DNAH17: variants seen among roughly 807,000 people sequenced by gnomAD.
DNAH17 encodes axonemal beta dynein heavy chain 17.
Under a neutral mutation model 485.6 loss-of-function variants are expected in DNAH17, and 376 were observed. The observed-to-expected ratio is 0.77, with a 90% CI of 0.71 to 0.84. The LOEUF is 0.84. DNAH17 is among the 40% of genes least tolerant of loss of function. DNAH17 has a pLI of 0.00. For missense variants in DNAH17, 6,370 were observed against 5,839.3 expected, an observed-to-expected ratio of 1.09 and a Z score of -2.96; for synonymous variants, 3,031 against 2,405.9, an observed-to-expected ratio of 1.26 and a Z score of -7.60.
chr17:78,486,082 T>C lies in DNAH17; in HGVS notation c.7153A>G (p.Thr2385Ala). Reference sequence around the variant, plus strand: ...GTTCCCTGCGAGGGGAACTTGATAGTCTTGAATTCGTTGATCCACCATTTA... The same window carrying C: ...GTTCCCTGCGAGGGGAACTTGATAGCCTTGAATTCGTTGATCCACCATTTA... ...FSKWWINEFK[T>A]IKFPSQGTIF... The change falls in exon 46 of 81, where the codon ACT becomes GCT. Residue 2385 changes from threonine to alanine, a missense_variant. Physicochemically the swap from Thr to Ala is moderately conservative, Grantham distance 58. Transcript: ENST00000389840. 3 of 1,613,886 alleles carry C rather than the reference T, an allele frequency of 1.9e-6. No individual in the cohort carries two copies. The highest frequency in any genetic ancestry group is 2.2e-5 in the East Asian group (1 of 44,872).
At chr17:78,512,267 G>A (rs1173811035) in intron 26 of DNAH17, among the ~76,000 whole-genome samples, 1 of 152,180 alleles carries the variant, frequency 6.6e-6, no homozygotes, top group South Asian at 2.1e-4. Context: ...TGTTCTCACC[G>A]TTGTTCTTGC....
chr17:78,497,632 G>C (rs970412951), intron 37 of DNAH17, among the ~76,000 whole-genome samples: 1 of 152,228 alleles, frequency 6.6e-6, no homozygotes, highest in African/African-American at 2.4e-5. Context: ...CCCATGGTTT[G>C]GGGTCCCCAT....
Position 78,479,536 on chromosome 17 carries a change from C to T in DNAH17, c.7849G>A (p.Val2617Ile). The T allele has an allele frequency of 6.2e-7, 1 of 1,613,628 alleles. No individual in the cohort carries two copies. Among genetic ancestry groups the T allele is most frequent in the Non-Finnish European group, 8.5e-7 (1 of 1,179,872 alleles). The part of the protein sequence containing the change: ...ILTQHLAFRS[V>I]SMAIQRISSQ... Reference sequence around the variant, plus strand: ...CTTATCCTCTGGATAGCCATGGAGACCGAGCGGAAGGCCAGGTGCTGCGTC... The same window carrying T: ...CTTATCCTCTGGATAGCCATGGAGATCGAGCGGAAGGCCAGGTGCTGCGTC... Residue 2617 changes from valine (V) to isoleucine (I), a missense_variant, in exon 50 of 81, where the codon GTC becomes ATC. Transcript: ENST00000389840.
chr17:78,479,611 C>A lies in DNAH17; in HGVS notation c.7774G>T (p.Val2592Leu). Reference sequence around the variant, plus strand: ...AGGGCCTCCTGGCCGGGGAAGCTCACAGCAAACACGCAGAAATGGCGCTAC... The same window carrying A: ...AGGGCCTCCTGGCCGGGGAAGCTCAAAGCAAACACGCAGAAATGGCGCTAC... ...RLQRHFCVFA[V>L]SFPGQEALTT... Residue 2592 changes from valine (V) to leucine (L), a missense_variant, in exon 50 of 81, where the codon GTG (valine) becomes TTG (leucine). Physicochemically the swap from Val to Leu is conservative, Grantham distance 32. Transcript: ENST00000389840. 6.2e-7 allele frequency: 1 copy of A among 1,613,268 alleles called. No individual in the cohort carries two copies. The highest frequency in any genetic ancestry group is 8.5e-7 in the Non-Finnish European group (1 of 1,179,776).
chr17:78,496,843 T>A (rs1367002458), intron 37 of DNAH17: 1 of 151,796 alleles, frequency 6.6e-6, no homozygotes, highest in Non-Finnish European at 1.5e-5. Context: ...GGCTAATTTT[T>A]TGTATTTTTT....
intron 77 of DNAH17, 77 bp from the exon 78 acceptor site, chr17:78,427,185 C>G: frequency 2.1e-6 from 3 of 1,443,776 alleles, no homozygotes; most frequent in Non-Finnish European, 2.8e-6. Flanking sequence ...GGAGCCTGCC[C>G]AAAATGTTCC....
intron 25 of DNAH17, among the ~76,000 whole-genome samples, chr17:78,519,208 A>G (rs1188242540): frequency 6.7e-6 from 1 of 150,214 alleles, no homozygotes; most frequent in African/African-American, 2.4e-5. Flanking sequence ...TGTAAAATAT[A>G]CTTCTAAATC....
intron 62 of DNAH17, chr17:78,458,322 G>A (rs2087910155): frequency 1.8e-6 from 1 of 544,588 alleles, no homozygotes; most frequent in Non-Finnish European, 3.3e-6. Flanking sequence ...CAAGCCCCGT[G>A]GGACCCAGTG....
intron 31 of DNAH17, among the ~76,000 whole-genome samples, chr17:78,503,862 A>T (rs1422469618): frequency 6.6e-6 from 1 of 152,022 alleles, no homozygotes; most frequent in Non-Finnish European, 1.5e-5. Context: ...GGTACTCTGG[A>T]GGCTTAGACA....
chr17:78,479,919 T>C (rs1188809390), intron 49 of DNAH17, among the ~76,000 whole-genome samples: 1 of 151,830 alleles, frequency 6.6e-6, no homozygotes, highest in African/African-American at 2.4e-5. Flanking sequence ...CTCTGTGTGT[T>C]TAGATAACTT....
chr17:78,472,552 C>T, intron 54 of DNAH17: 1 of 312,166 alleles, frequency 3.2e-6, no homozygotes, highest in Non-Finnish European at 6.5e-6. Flanking sequence ...GGCAGCCCAG[C>T]TCTGGCTGCT....
At chr17:78,517,604 G>A (rs998411212) in intron 25 of DNAH17, among the ~76,000 whole-genome samples, 1 of 152,134 alleles carries the variant, frequency 6.6e-6, no homozygotes, top group Non-Finnish European at 1.5e-5. Flanking sequence ...CCCTCGTTTG[G>A]CAAATTCCCA....
intron 75 of DNAH17, among the ~76,000 whole-genome samples, chr17:78,433,364 G>A (rs2086747713): frequency 1.3e-5 from 2 of 152,204 alleles, no homozygotes; most frequent in South Asian, 4.1e-4. Flanking sequence ...AGCAGGTCTG[G>A]GATTCATACG....
At chr17:78,479,786 G>A (rs562335634) in intron 49 of DNAH17, among the ~76,000 whole-genome samples, 154 bp from the exon 50 acceptor site, 7 of 152,330 alleles carry the variant, frequency 4.6e-5, no homozygotes, top group East Asian at 1.9e-4. Flanking sequence ...TGCCTTGCAT[G>A]TGGTAAAACT....
At chr17:78,476,220 C>T (rs894156107) in intron 52 of DNAH17, among the ~76,000 whole-genome samples, 1 of 129,220 alleles carries the variant, frequency 7.7e-6, no homozygotes, top group African/African-American at 2.5e-5. Flanking sequence ...AGCCACGTGC[C>T]GGAGTTATCG....
At chr17:78,541,919 G>A (rs2091601921) in intron 17 of DNAH17, among the ~76,000 whole-genome samples, 2 of 152,088 alleles carry the variant, frequency 1.3e-5, no homozygotes, top group African/African-American at 2.4e-5. Flanking sequence ...GGAGGGGAGG[G>A]ATGGGAACTG....
chr17:78,482,244 T>TA (rs2089383236), intron 48 of DNAH17, among the ~76,000 whole-genome samples: 1 of 151,994 alleles, frequency 6.6e-6, no homozygotes, highest in South Asian at 2.1e-4. Flanking sequence ...AGGGTCTCAC[T>TA]ATATGACCTG....
intron 37 of DNAH17, among the ~76,000 whole-genome samples, chr17:78,498,078 G>A (rs1418717848): frequency 6.6e-6 from 1 of 151,958 alleles, no homozygotes; most frequent in Non-Finnish European, 1.5e-5. Context: ...GGAGGCGGAG[G>A]TTCAGTGAAC....
chr17:78,565,834 C>T (rs1339110174), intron 11 of DNAH17, among the ~76,000 whole-genome samples: 1 of 152,050 alleles, frequency 6.6e-6, no homozygotes, highest in Non-Finnish European at 1.5e-5. Context: ...CCTATAATTC[C>T]AGCTACTAGG....
Sources: gnomAD v4.1 joint callset for allele counts (sites outside exome capture counted in the v4.1 genomes callset) on GRCh38, gnomAD v4.1.1 for gene constraint, MANE v1.5 for transcripts, NCBI Gene and HGNC (gene_info 2026-07-23, HGNC 2026-07-21) for gene names.